Variants in VASN observed in about 807,000 individuals in gnomAD.
The protein encoded by VASN is vasorin.
A neutral mutation model predicts 4.8 loss-of-function variants in VASN; 5 were observed. That is an observed-to-expected ratio of 1.03 (90% CI 0.54 to 2.17). The LOEUF is 2.17. Among genes scored for constraint, VASN ranks in the 30% most tolerant of loss-of-function variants. The probability of loss-of-function intolerance (pLI) is 0.01; values close to 1 mark genes in which losing one functional copy is unlikely to be tolerated. For missense variants in VASN, 927 were observed against 948.8 expected (o/e 0.98, Z 0.30); for synonymous variants, 499 against 460.8 (o/e 1.08, Z -1.06).
At chr16:4,377,901 C>A (rs1341082361) in intron 1 of VASN, among the ~76,000 whole-genome samples, 1 of 152,236 alleles carries the variant, frequency 6.6e-6, no homozygotes, top group East Asian at 1.9e-4. Context: ...ACAGTCCTGA[C>A]CTAGACCCCT....
chr16:4,376,231 C>T (rs1339140126), intron 1 of VASN, among the ~76,000 whole-genome samples: 1 of 152,192 alleles, frequency 6.6e-6, no homozygotes, highest in Non-Finnish European at 1.5e-5. Context: ...GGAGACGGGG[C>T]GGACCCAGCC....
chr16:4,378,376 C>A (rs909705614), intron 1 of VASN, among the ~76,000 whole-genome samples: 1 of 151,812 alleles, frequency 6.6e-6, no homozygotes, highest in African/African-American at 2.4e-5. Flanking sequence ...TGGAGGATCC[C>A]CTCCCACTCT....
At chr16:4,372,874 C>T (rs917728099) in intron 1 of VASN, among the ~76,000 whole-genome samples, 2 of 152,172 alleles carry the variant, frequency 1.3e-5, no homozygotes, top group African/African-American at 4.8e-5. Flanking sequence ...GTCCCCATGC[C>T]TGCCTTTTGC....
At chr16:4,380,091 T>C (rs912908565) in intron 1 of VASN, among the ~76,000 whole-genome samples, 1 of 149,340 alleles carries the variant, frequency 6.7e-6, no homozygotes, top group African/African-American at 2.5e-5. Context: ...TGAATGACTC[T>C]GCAGAGTTTT....
chr16:4,381,503 A>AG lies in VASN; in HGVS notation c.630dup (p.Leu211AlafsTer114), dbSNP rs1456547154. 6.3e-7 allele frequency: 1 copy of AG among 1,593,178 alleles called. No individual in the cohort carries two copies. Among genetic ancestry groups the AG allele is most frequent in the Admixed American group, 1.7e-5 (1 of 57,200 alleles). The stretch of plus-strand genomic sequence containing the variant: ...GGTCTGGGGCTGCAGCAGCTGGACG[A>AG]GGGGCTCTTCAGCCGCTTGCGCAAC... On this transcript the variant is annotated frameshift_variant, in exon 2 of 2. Transcript: ENST00000304735. LOFTEE classifies it low-confidence loss of function (END_TRUNC).
rs1456834178 is a variant in VASN, at chr16:4,383,521, G to A, written c.*622G>A. The A allele has an allele frequency of 1.2e-5, 2 of 166,946 alleles. No homozygotes were observed. The highest frequency in any genetic ancestry group is 1.5e-5 in the Non-Finnish European group (1 of 68,114). The allele number at this position is 166,946 out of a possible 1,614,324, so 10.3% of individuals were successfully genotyped here. A position where few individuals can be genotyped will look rare whatever the true frequency, so the allele number is the denominator to read the frequency against. ...TTTGTAAGAAAAAATAAAAGATGAAGTGTGTTTCTTGGGCTCAGCCCCAGG... is the reference window on the plus strand; with the variant it reads ...TTTGTAAGAAAAAATAAAAGATGAAATGTGTTTCTTGGGCTCAGCCCCAGG... On this transcript the variant is annotated 3_prime_UTR_variant, in exon 2 of 2. Transcript: ENST00000304735.
Position 4,382,460 on chromosome 16 carries a change from A to G in VASN, c.1583A>G (p.Asn528Ser), listed in dbSNP as rs758383871. ...AEYTVTQLRP[N>S]ATYSVCVMPL... is the part of the protein sequence containing the mutation. ...TACACGGTCACCCAGCTGCGGCCCA[A>G]CGCCACTTACTCCGTCTGTGTCATG... Residue 528 changes from asparagine to serine, a missense_variant, in exon 2 of 2, where the codon AAC becomes AGC. Asn to Ser is a conservative substitution (Grantham distance 46). Transcript: ENST00000304735. The G allele has an allele frequency of 6.2e-7, 1 of 1,608,294 alleles. No homozygotes were observed. Among genetic ancestry groups the G allele is most frequent in the South Asian group, 1.1e-5 (1 of 90,292 alleles).
Position 4,380,897 on chromosome 16 carries a change from T to C in VASN, c.20T>C (p.Leu7Pro). 6.4e-7 allele frequency: 1 copy of C among 1,550,400 alleles called. No individual in the cohort carries two copies. The highest frequency in any genetic ancestry group is 8.7e-7 in the Non-Finnish European group (1 of 1,154,978). The part of the protein sequence containing the change: MCSRVP[L>P]LLPLLLLLAL... ...CAGAAGATGTGCTCCAGGGTCCCTC[T>C]GCTGCTGCCGCTGCTCCTGCTACTG... Residue 7 changes from leucine to proline, a missense_variant, in exon 2 of 2, where the codon CTG (leucine) becomes CCG (proline). Transcript: ENST00000304735.
rs1295072777 is a variant in VASN, at chr16:4,383,272, A to T, written c.*373A>T. ...GCCAGTGAAGGAAGCTCCCGGAAAG[A>T]GCAGAGGGAGAGCGGGTAGGCGGCT... On this transcript the variant is annotated 3_prime_UTR_variant, in exon 2 of 2. Coordinates refer to ENST00000304735, the MANE Select transcript of VASN (RefSeq NM_138440.3). 3.9e-6 allele frequency: 1 copy of T among 255,502 alleles called. No homozygotes were observed. The highest frequency in any genetic ancestry group is 7.9e-6 in the Non-Finnish European group (1 of 126,480). The allele number at this position is 255,502 out of a possible 1,614,324, so 15.8% of individuals were successfully genotyped here.
intron 1 of VASN, among the ~76,000 whole-genome samples, chr16:4,378,075 T>A (rs1430813069): frequency 6.6e-6 from 1 of 152,122 alleles, no homozygotes; most frequent in East Asian, 1.9e-4. Flanking sequence ...CCCTCCCCAG[T>A]GCAGGGTGAA....
chr16:4,377,265 C>T (rs947704045), intron 1 of VASN, among the ~76,000 whole-genome samples: 6 of 151,938 alleles, frequency 3.9e-5, no homozygotes, highest in African/African-American at 1.5e-4. Flanking sequence ...CTCCGGAACA[C>T]CTCCTGCACC....
Position 4,382,924 on chromosome 16 carries a change from G to A in VASN, c.*25G>A, listed in dbSNP as rs2055053242. The A allele has an allele frequency of 2.0e-6, 3 of 1,472,134 alleles. No homozygotes were observed. Among genetic ancestry groups the A allele is most frequent in the Non-Finnish European group, 2.7e-6 (3 of 1,112,338 alleles). 91.2% of individuals were successfully genotyped at this position (1,472,134 alleles called of 1,614,324 possible). ...AGCCAGAGAGAGACAGGGCAGCTGG[G>A]GCCGGGCTCTCAGCCAGTGAGATGG... On this transcript the variant is annotated 3_prime_UTR_variant, in exon 2 of 2. Transcript: ENST00000304735.
In VASN at chr16:4,382,108, C is replaced by T. The variant is rs755051841; in HGVS notation, c.1231C>T (p.Pro411Ser). The T allele has an allele frequency of 2.3e-5, 37 of 1,585,554 alleles. No individual in the cohort carries two copies. In the South Asian group the frequency reaches 4.2e-4, roughly 18 times the overall value. Residue 411 changes from proline (P) to serine (S), a missense_variant, in exon 2 of 2, where the codon CCG becomes TCG. Coordinates refer to ENST00000304735, the MANE Select transcript of VASN (RefSeq NM_138440.3). ...TGTCCCCCAGCCCCAGGACTGCCCA[C>T]CGTCCACCTGCCTCAATGGGGGCAC... ...GPVPQPQDCPPSTCLNGGTCH... is the reference protein window; with the variant it reads ...GPVPQPQDCPSSTCLNGGTCH...
chr16:4,376,960 G>A (rs1048972120), intron 1 of VASN, among the ~76,000 whole-genome samples: 2 of 152,170 alleles, frequency 1.3e-5, no homozygotes, highest in African/African-American at 4.8e-5. Context: ...GACGCCCTCC[G>A]CAGTGAATGT....
At chr16:4,374,427 A>G (rs2054646151) in intron 1 of VASN, among the ~76,000 whole-genome samples, 2 of 151,978 alleles carry the variant, frequency 1.3e-5, no homozygotes, top group African/African-American at 2.4e-5. Context: ...GGGGCCAGTT[A>G]TTCTTCAGGG....
At chr16:4,375,492 T>C (rs1286502857) in intron 1 of VASN, among the ~76,000 whole-genome samples, 1 of 139,028 alleles carries the variant, frequency 7.2e-6, no homozygotes, top group African/African-American at 2.6e-5. Context: ...CTCCTAGACA[T>C]TCTTTTTGTT....
In VASN at chr16:4,382,382, C is replaced by T. The variant is rs201641009; in HGVS notation, c.1505C>T (p.Ser502Leu). Residue 502 changes from serine (S) to leucine (L), a missense_variant, in exon 2 of 2, where the codon TCG (serine) becomes TTG (leucine). Ser to Leu is a moderately radical substitution (Grantham distance 145, BLOSUM62 -2). Transcript: ENST00000304735. ...CTCCGTCTCACCTATCGCAACCTAT[C>T]GGGCCCTGATAAGCGGCTGGTGACG... ...RSLRLTYRNL[S>L]GPDKRLVTLR... 5.1e-5 allele frequency: 82 copies of T among 1,612,282 alleles called. No individual in the cohort carries two copies. Among genetic ancestry groups the T allele is most frequent in the Admixed American group, 8.3e-5 (5 of 59,982 alleles).
At chr16:4,373,384 A>T (rs1340453215) in intron 1 of VASN, among the ~76,000 whole-genome samples, 6 of 152,038 alleles carry the variant, frequency 3.9e-5, no homozygotes, top group African/African-American at 1.5e-4. Flanking sequence ...TGCACGTTGG[A>T]ACAGCTGTCC....
At position 4,381,673 on chromosome 16, in the gene VASN, C is replaced by G; in HGVS notation, c.796C>G (p.Leu266Val). 1 of 1,606,510 alleles carries G rather than the reference C, an allele frequency of 6.2e-7. No individual in the cohort carries two copies. Among genetic ancestry groups the G allele is most frequent in the Middle Eastern group, 1.7e-4 (1 of 6,050 alleles). ...CGAGGACCTGGCCGGCCTGGCTGCC[C>G]TGCAGGAGCTGGATGTGAGCAACCT... ...RPEDLAGLAA[L>V]QELDVSNLSL... is the part of the protein sequence containing the mutation. Residue 266 changes from leucine (L) to valine (V), a missense_variant, in exon 2 of 2, where the codon CTG becomes GTG. Transcript: ENST00000304735.
Sources: allele counts gnomAD v4.1 joint callset (sites outside exome capture counted in the v4.1 genomes callset), GRCh38; gene constraint gnomAD v4.1.1; transcripts MANE v1.5; gene names NCBI Gene and HGNC (gene_info 2026-07-23, HGNC 2026-07-21).